MND1: variants seen among roughly 807,000 people sequenced by gnomAD.
MND1 encodes meiotic nuclear divisions 1.
Under a neutral mutation model 35.1 loss-of-function variants are expected in MND1, and 28 were observed. That is an observed-to-expected ratio of 0.80 (90% confidence interval 0.59 to 1.09). The LOEUF is 1.09. MND1 is among the 50% of genes least tolerant of loss of function. The probability of loss-of-function intolerance (pLI) is 0.00; values close to 1 mark genes in which losing one functional copy is unlikely to be tolerated. For missense variants in MND1, 213 were observed against 239.6 expected (o/e 0.89, Z 0.73); for synonymous variants, 69 against 70.5 (o/e 0.98, Z 0.11).
At chr4:153,366,066 T>C (rs1773629951) in intron 4 of MND1, among the ~76,000 whole-genome samples, 1 of 152,214 alleles carries the variant, frequency 6.6e-6, no homozygotes, top group South Asian at 2.1e-4. Context: ...CTCTCTGGGA[T>C]AATCTTCCTT....
chr4:153,409,137 A>G, intron 7 of MND1, 122 bp downstream of exon 7: 4 of 378,206 alleles, frequency 1.1e-5, no homozygotes, highest in Non-Finnish European at 1.9e-5. Context: ...AAATGTATGC[A>G]TTACTCAAAT....
intron 4 of MND1, among the ~76,000 whole-genome samples, chr4:153,380,885 G>A (rs531049577): frequency 6.3e-4 from 95 of 151,042 alleles, no homozygotes; most frequent in African/African-American, 2.3e-3. Context: ...AATTTGTGTG[G>A]TATAACTTAA....
intron 4 of MND1, among the ~76,000 whole-genome samples, chr4:153,390,499 A>C (rs960124535): frequency 2.6e-5 from 4 of 152,166 alleles, no homozygotes; most frequent in Non-Finnish European, 5.9e-5. Context: ...TTAAGTTGTA[A>C]ATAATTCCAA....
chr4:153,397,546 T>C (rs1376097596), intron 6 of MND1, among the ~76,000 whole-genome samples: 2 of 152,154 alleles, frequency 1.3e-5, no homozygotes, highest in Non-Finnish European at 2.9e-5. Flanking sequence ...GCCGGGCACG[T>C]TGGCTTATGC....
intron 4 of MND1, among the ~76,000 whole-genome samples, chr4:153,387,686 A>C (rs1272551549): frequency 6.6e-6 from 1 of 152,108 alleles, no homozygotes; most frequent in Admixed American, 6.6e-5. Flanking sequence ...AGATTGCTTG[A>C]GCCTGGGAGA....
intron 4 of MND1, among the ~76,000 whole-genome samples, chr4:153,376,087 G>A (rs1468463088): frequency 1.3e-5 from 2 of 152,168 alleles, no homozygotes; most frequent in Non-Finnish European, 2.9e-5. Flanking sequence ...TGGCTCGACA[G>A]ATAATAATTA....
intron 4 of MND1, among the ~76,000 whole-genome samples, chr4:153,374,972 C>T (rs1321367821): frequency 2.0e-5 from 3 of 152,134 alleles, no homozygotes; most frequent in African/African-American, 4.8e-5. Context: ...ATGAGGTTCA[C>T]ATCCAGAGAA....
Position 153,381,657 on chromosome 4 carries a change from T to TATATA in MND1, c.277-12594_277-12590dup, listed in dbSNP as rs1223803247. On this transcript the variant is annotated intron_variant, in intron 4 of 7. Coordinates refer to ENST00000240488, the MANE Select transcript of MND1 (RefSeq NM_032117.4). ...ATCTCTGGCTGCTATATATATAATA[T>TATATA]ATATAATATAATATATATATATATA... 4.4e-4 allele frequency: 47 copies of TATATA among 106,342 alleles called. 1 individual carries two copies. Among genetic ancestry groups the TATATA allele is most frequent in the African/African-American group, 1.3e-3 (37 of 28,124 alleles). The allele number at this position is 106,342 out of a possible 1,614,324, so 6.6% of individuals were successfully genotyped here. A position where few individuals can be genotyped will look rare whatever the true frequency, so the allele number is the denominator to read the frequency against.
At chr4:153,381,661 TAATATA>T (rs1728690873) in intron 4 of MND1, 2 of 98,588 alleles carry the variant, frequency 2.0e-5, no homozygotes, top group Non-Finnish European at 2.0e-5. Context: ...ATAATATATA[TAATATA>T]ATATATATAT....
Position 153,404,174 on chromosome 4 carries a change from CTTTTTTTT to C in MND1, c.467-4778_467-4771del, listed in dbSNP as rs71598277. ...AGAAAATCAAAACCAAAAATTGGTT[CTTTTTTTT>C]TTTTTTTTTTTTTTTTTTGAGGTGG... is the stretch of plus-strand genomic sequence containing the variant. On this transcript the variant is annotated intron_variant, in intron 6 of 7. Coordinates refer to ENST00000240488, the MANE Select transcript of MND1 (RefSeq NM_032117.4). 7.4e-3 allele frequency among the ~76,000 whole-genome samples: 547 copies of C among 73,794 alleles called. 5 individuals are homozygous for C. The highest frequency in any genetic ancestry group is 0.011 in the Non-Finnish European group (453 of 39,454). 48.4% of individuals were successfully genotyped at this position (73,794 alleles called of 152,430 possible).
intron 3 of MND1, among the ~76,000 whole-genome samples, chr4:153,356,979 T>G (rs2149632467): frequency 1.3e-5 from 2 of 152,144 alleles, no homozygotes; most frequent in South Asian, 2.1e-4. Context: ...CCTGCCACCA[T>G]GCCCACCTAA....
At chr4:153,404,331 G>A (rs937452970) in intron 6 of MND1, among the ~76,000 whole-genome samples, 2 of 143,640 alleles carry the variant, frequency 1.4e-5, no homozygotes, top group African/African-American at 2.6e-5. Context: ...ACAGGCACGT[G>A]CCACCACGCC....
At chr4:153,367,593 G>A (rs935687101) in intron 4 of MND1, among the ~76,000 whole-genome samples, 10 of 152,128 alleles carry the variant, frequency 6.6e-5, no homozygotes, top group African/African-American at 2.4e-4. Context: ...ATCTGTTGAT[G>A]GGCATGTGAG....
At chr4:153,408,912 G>GTGTGTATATATATATATATA (rs936713652) in intron 6 of MND1, 59 bp from the exon 7 acceptor site, 3 of 281,232 alleles carry the variant, frequency 1.1e-5, no homozygotes, top group African/African-American at 5.1e-5. Flanking sequence ...CATTTTGTGT[G>GTGTGTATATATATATATATA]TATATATATA....
At chr4:153,356,160 A>G (rs754137663) in intron 3 of MND1, among the ~76,000 whole-genome samples, 8 of 152,192 alleles carry the variant, frequency 5.3e-5, no homozygotes, top group Non-Finnish European at 1.0e-4. Context: ...CTGGTTTCCA[A>G]TTCTTTTGCT....
At chr4:153,368,596 T>C (rs1019300454) in intron 4 of MND1, among the ~76,000 whole-genome samples, 3 of 152,214 alleles carry the variant, frequency 2.0e-5, no homozygotes, top group Non-Finnish European at 4.4e-5. Context: ...TTCTGTGATA[T>C]GCATTACTGA....
Position 153,384,892 on chromosome 4 carries a change from T to C in MND1, c.277-9370T>C, listed in dbSNP as rs200398626. Among the ~76,000 whole-genome samples, 6 of 152,360 alleles carry C rather than the reference T, an allele frequency of 3.9e-5. No homozygotes were observed. The East Asian group carries it at 1.2e-3, about 29-fold the overall frequency. On this transcript the variant is annotated intron_variant, in intron 4 of 7. Coordinates refer to ENST00000240488, the MANE Select transcript of MND1 (RefSeq NM_032117.4). ...CCTCAGGGTTGGATTGCTGGAAATTTAACCCTCTGGTTAAGTGGAACATGA... is the reference window on the plus strand; with the variant it reads ...CCTCAGGGTTGGATTGCTGGAAATTCAACCCTCTGGTTAAGTGGAACATGA...
intron 4 of MND1, among the ~76,000 whole-genome samples, chr4:153,380,165 C>A (rs1196965260): frequency 6.6e-6 from 1 of 151,898 alleles, no homozygotes; most frequent in Admixed American, 6.6e-5. Context: ...TATTTTTAGC[C>A]ACAAATAACA....
At chr4:153,367,583 A>G (rs1396814286) in intron 4 of MND1, among the ~76,000 whole-genome samples, 1 of 152,220 alleles carries the variant, frequency 6.6e-6, no homozygotes, top group Non-Finnish European at 1.5e-5. Flanking sequence ...GTATCCATTC[A>G]TCTGTTGATG....
Sources: gnomAD v4.1 joint callset for allele counts (sites outside exome capture counted in the v4.1 genomes callset) on GRCh38, gnomAD v4.1.1 for gene constraint, MANE v1.5 for transcripts, NCBI Gene and HGNC (gene_info 2026-07-23, HGNC 2026-07-21) for gene names.